BLOC1S5: variants seen among roughly 807,000 people sequenced by gnomAD.
BLOC1S5 encodes biogenesis of lysosome-related organelles complex 1 subunit 5.
A neutral mutation model predicts 24.3 loss-of-function variants in BLOC1S5; 27 were observed. The ratio of observed to expected loss-of-function variants is 1.11; its 90% CI spans 0.82 to 1.53. The LOEUF (loss-of-function observed/expected upper bound fraction) is 1.53. BLOC1S5 is among the 40% of genes most tolerant of loss of function. The probability of loss-of-function intolerance (pLI) is 0.00; values close to 1 mark genes in which losing one functional copy is unlikely to be tolerated. For missense variants in BLOC1S5, 239 were observed against 229.4 expected, an observed-to-expected ratio of 1.04 and a Z score of -0.27; for synonymous variants, 84 against 74.5, an observed-to-expected ratio of 1.13 and a Z score of -0.66.
chr6:8,039,564 G>A (rs890179240), intron 3 of BLOC1S5, among the ~76,000 whole-genome samples: 10 of 151,586 alleles, frequency 6.6e-5, no homozygotes, highest in Non-Finnish European at 1.0e-4. Context: ...CCCAAAATAC[G>A]TACATTATAC....
intron 4 of BLOC1S5, among the ~76,000 whole-genome samples, chr6:8,025,725 G>A (rs74485613): frequency 0.039 from 5,941 of 152,036 alleles, 366 homozygotes; most frequent in African/African-American, 0.13. Flanking sequence ...ACAAGCAAAA[G>A]GGCATTATTT....
intron 2 of BLOC1S5, among the ~76,000 whole-genome samples, chr6:8,058,673 G>C (rs928148851): frequency 6.6e-6 from 1 of 152,138 alleles, no homozygotes; most frequent in Non-Finnish European, 1.5e-5. Flanking sequence ...TTGGGTTACA[G>C]AGCGTGACCC....
chr6:8,044,758 C>G (rs1316071587), intron 2 of BLOC1S5, among the ~76,000 whole-genome samples: 3 of 152,086 alleles, frequency 2.0e-5, no homozygotes, highest in African/African-American at 7.2e-5. Context: ...CGCTAGAGAT[C>G]TGTGGAACTT....
intron 3 of BLOC1S5, among the ~76,000 whole-genome samples, chr6:8,030,496 G>A (rs952478785): frequency 2.6e-5 from 4 of 151,746 alleles, no homozygotes; most frequent in Non-Finnish European, 5.9e-5. Context: ...AGAAATCTTG[G>A]AACTGGGAAA....
chr6:8,023,053 T>C (rs1762980622), intron 4 of BLOC1S5, among the ~76,000 whole-genome samples: 1 of 152,192 alleles, frequency 6.6e-6, no homozygotes, highest in South Asian at 2.1e-4. Flanking sequence ...GCTTCAAAAG[T>C]TGACACCACC....
intron 2 of BLOC1S5, among the ~76,000 whole-genome samples, chr6:8,045,088 G>A (rs1763834291): frequency 2.0e-5 from 3 of 152,174 alleles, no homozygotes. Context: ...GAGGCCTAGG[G>A]GTAAAAAGTG....
chr6:8,026,504 G>C, intron 3 of BLOC1S5, 79 bp from the exon 4 acceptor site: 1 of 1,115,234 alleles, frequency 9.0e-7, no homozygotes. Flanking sequence ...AGTGTGTGTG[G>C]AGAGTACATG....
At chr6:8,060,885 C>T (rs1415321504) in intron 2 of BLOC1S5, among the ~76,000 whole-genome samples, 2 of 152,020 alleles carry the variant, frequency 1.3e-5, no homozygotes, top group Non-Finnish European at 2.9e-5. Context: ...AGTGCAATGG[C>T]GCGTTCTCGG....
intron 4 of BLOC1S5, among the ~76,000 whole-genome samples, chr6:8,019,479 G>C (rs548529260): frequency 6.6e-6 from 1 of 152,148 alleles, no homozygotes; most frequent in Non-Finnish European, 1.5e-5. Context: ...ACACTGGCCA[G>C]GCTGGTCTTG....
intron 2 of BLOC1S5, among the ~76,000 whole-genome samples, chr6:8,057,080 A>ATGG (rs1732886021): frequency 6.6e-6 from 1 of 152,088 alleles, no homozygotes; most frequent in African/African-American, 2.4e-5. Flanking sequence ...TTAGCTGGAC[A>ATGG]TGGTGGTATA....
In BLOC1S5 at chr6:8,026,361, TTTTACCTTTTTTCGTTCCTG is replaced by T. The variant is rs1561857026; in HGVS notation, c.370_384+5del. The T allele has an allele frequency of 6.3e-7, 1 of 1,595,988 alleles. No homozygotes were observed. Among genetic ancestry groups the T allele is most frequent in the Non-Finnish European group, 8.6e-7 (1 of 1,163,972 alleles). The stretch of plus-strand genomic sequence containing the variant: ...TATATGCCTCATTATCTAAATGATC[TTTTACCTTTTTTCGTTCCTG>T]TTCCCTCTGTTGGAGTCTACAGACT... On this transcript the variant is annotated splice_donor_variant and splice_donor_5th_base_variant and coding_sequence_variant and intron_variant, in exon 4 of 5. Coordinates refer to ENST00000397457, the MANE Select transcript of BLOC1S5 (RefSeq NM_201280.3). LOFTEE classifies it high-confidence loss of function.
intron 4 of BLOC1S5, among the ~76,000 whole-genome samples, chr6:8,022,114 C>T (rs1762933360): frequency 6.6e-6 from 1 of 151,792 alleles, no homozygotes; most frequent in Non-Finnish European, 1.5e-5. Flanking sequence ...CAAAATAAAA[C>T]CACACTTCTG....
At chr6:8,028,713 T>C (rs1300555051) in intron 3 of BLOC1S5, among the ~76,000 whole-genome samples, 1 of 142,632 alleles carries the variant, frequency 7.0e-6, no homozygotes, top group Admixed American at 6.7e-5. Context: ...TACAGTCCCT[T>C]TGAAGCAATT....
rs148950359 is a variant in BLOC1S5 at position 8,047,352 on chromosome 6, C to A, written c.196-6084G>T. On this transcript the variant is annotated intron_variant, in intron 2 of 4. Coordinates refer to ENST00000397457, the MANE Select transcript of BLOC1S5 (RefSeq NM_201280.3). Reference sequence around the variant, plus strand: ...CCTTCCAAGTAGCTGGGGCTACAGGCGCACATTATGACACTTGGCTAATTT... The same window carrying A: ...CCTTCCAAGTAGCTGGGGCTACAGGAGCACATTATGACACTTGGCTAATTT... 9.6e-3 allele frequency among the ~76,000 whole-genome samples: 1,455 copies of A among 152,060 alleles called. 24 individuals carry two copies. Among genetic ancestry groups the A allele is most frequent in the African/African-American group, 0.033 (1,369 of 41,450 alleles).
chr6:8,049,075 G>GC lies in BLOC1S5; in HGVS notation c.196-7808_196-7807insG, dbSNP rs919363643. 1.4e-5 allele frequency among the ~76,000 whole-genome samples: 2 copies of GC among 138,536 alleles called. 1 individual carries two copies. Among genetic ancestry groups the GC allele is most frequent in the African/African-American group, 5.3e-5 (2 of 37,528 alleles). The allele number at this position is 138,536 out of a possible 152,430, so 90.9% of individuals were successfully genotyped here. On this transcript the variant is annotated intron_variant, in intron 2 of 4. Transcript: ENST00000397457. ...GGGAGAGGAAGGGAGGGGAGGGGAGGGGGGAAAGAAAGAGGCCAGGTACAG... is the reference window on the plus strand; with the variant it reads ...GGGAGAGGAAGGGAGGGGAGGGGAGGCGGGGAAAGAAAGAGGCCAGGTACAG...
At chr6:8,017,004 G>A (rs900648886) in intron 4 of BLOC1S5, among the ~76,000 whole-genome samples, 1 of 151,788 alleles carries the variant, frequency 6.6e-6, no homozygotes, top group Non-Finnish European at 1.5e-5. Flanking sequence ...ATATAAGGAT[G>A]AAAGGTTTTT....
chr6:8,017,594 T>C lies in BLOC1S5; in HGVS notation c.385-1766A>G, dbSNP rs897044595. ...TCTTCCTGTTCTATTTTCTCTCTCATTTGGGTCAGGATGACAAACAGGATG... is the reference window on the plus strand; with the variant it reads ...TCTTCCTGTTCTATTTTCTCTCTCACTTGGGTCAGGATGACAAACAGGATG... On this transcript the variant is annotated intron_variant, in intron 4 of 4. Transcript: ENST00000397457. 2.0e-5 allele frequency among the ~76,000 whole-genome samples: 3 copies of C among 152,218 alleles called. No individual in the cohort carries two copies. The South Asian group carries it at 6.2e-4, about 32-fold the overall frequency.
chr6:8,015,598 G>T lies in BLOC1S5; in HGVS notation c.*51C>A. ...ACGGTCTGGTGGGAATAGTTTTCAG[G>T]AGAGAGGTGAACATCTTCTCATTAG... On this transcript the variant is annotated 3_prime_UTR_variant, in exon 5 of 5. Coordinates refer to ENST00000397457, the MANE Select transcript of BLOC1S5 (RefSeq NM_201280.3). 1 of 1,553,604 alleles carries T rather than the reference G, an allele frequency of 6.4e-7. No homozygotes were observed. The highest frequency in any genetic ancestry group is 1.2e-5 in the South Asian group (1 of 82,518).
intron 4 of BLOC1S5, among the ~76,000 whole-genome samples, chr6:8,019,610 G>GC (rs1762855834): frequency 7.3e-6 from 1 of 137,672 alleles, no homozygotes; most frequent in Non-Finnish European, 1.5e-5. Flanking sequence ...AGAAAAAAGG[G>GC]GGGGGGGGCG....
Sources: allele counts gnomAD v4.1 joint callset (sites outside exome capture counted in the v4.1 genomes callset), GRCh38; gene constraint gnomAD v4.1.1; transcripts MANE v1.5; gene names NCBI Gene and HGNC (gene_info 2026-07-23, HGNC 2026-07-21).